The following DPP6 variants were observed in gnomAD, a reference collection of about 807,000 sequenced individuals.
DPP6 encodes dipeptidyl peptidase like 6.
DPP6 carries 69 observed loss-of-function variants against 122.6 expected under a neutral mutation model. The observed-to-expected ratio is 0.56, with a 90% CI of 0.46 to 0.69. The LOEUF (loss-of-function observed/expected upper bound fraction) is 0.69. Ranked by LOEUF, DPP6 falls within the 30% of genes least tolerant of loss-of-function variation. DPP6 has a pLI of 0.00. For missense variants in DPP6, 928 were observed against 1,116.9 expected (o/e 0.83, Z 2.41); for synonymous variants, 418 against 433.1 (o/e 0.97, Z 0.43).
intron 8 of DPP6, among the ~76,000 whole-genome samples, chr7:154,747,596 A>G (rs988770034): frequency 2.0e-5 from 3 of 152,162 alleles, no homozygotes; most frequent in Admixed American, 6.5e-5. Flanking sequence ...CTTACTAGGC[A>G]CTCGCGAAGT....
intron 1 of DPP6, among the ~76,000 whole-genome samples, chr7:154,194,545 T>C (rs529616465): frequency 8.7e-4 from 132 of 152,320 alleles, no homozygotes; most frequent in African/African-American, 3.0e-3. Flanking sequence ...CTCACCTCGC[T>C]CCTCCCAGGC....
intron 1 of DPP6, among the ~76,000 whole-genome samples, chr7:154,160,145 A>AC (rs1442088079): frequency 6.6e-6 from 1 of 151,534 alleles, no homozygotes; most frequent in African/African-American, 2.4e-5. Flanking sequence ...AATACATCAG[A>AC]CATAGAGCGG....
At chr7:154,353,369 G>C (rs771845990) in intron 1 of DPP6, among the ~76,000 whole-genome samples, 1 of 152,142 alleles carries the variant, frequency 6.6e-6, no homozygotes, top group Non-Finnish European at 1.5e-5. Flanking sequence ...GCAAGCAGAC[G>C]TGCCCAGTAT....
chr7:154,122,136 A>T (rs890588063), intron 1 of DPP6, among the ~76,000 whole-genome samples: 3 of 152,230 alleles, frequency 2.0e-5, no homozygotes, highest in Non-Finnish European at 4.4e-5. Context: ...CTCCAGACCT[A>T]TGTGAAAGTT....
At chr7:154,714,381 GT>G (rs1206241366) in intron 7 of DPP6, among the ~76,000 whole-genome samples, 1 of 152,128 alleles carries the variant, frequency 6.6e-6, no homozygotes, top group Non-Finnish European at 1.5e-5. Context: ...TATTGTATTA[GT>G]CTGTTCTCAC....
At chr7:154,542,907 A>G (rs1036687379) in intron 4 of DPP6, among the ~76,000 whole-genome samples, 4 of 152,162 alleles carry the variant, frequency 2.6e-5, no homozygotes, top group African/African-American at 9.7e-5. Flanking sequence ...TCTATCTCCA[A>G]ATTAAAGCTG....
At chr7:154,088,590 CTT>C (rs1804601074) in intron 1 of DPP6, among the ~76,000 whole-genome samples, 1 of 148,220 alleles carries the variant, frequency 6.7e-6, no homozygotes, top group Admixed American at 6.8e-5. Context: ...AGGTATGGGA[CTT>C]GATAGCAGCA....
chr7:154,530,791 C>T (rs1046845903), intron 3 of DPP6, among the ~76,000 whole-genome samples: 3 of 152,138 alleles, frequency 2.0e-5, no homozygotes, highest in Non-Finnish European at 2.9e-5. Flanking sequence ...TACATATACA[C>T]TATGGAATAC....
At chr7:154,311,640 G>A (rs2150999017) in intron 1 of DPP6, among the ~76,000 whole-genome samples, 1 of 152,278 alleles carries the variant, frequency 6.6e-6, no homozygotes, top group Non-Finnish European at 1.5e-5. Flanking sequence ...GTGGGGAGTG[G>A]AGAGGTCTCA....
At chr7:153,975,263 T>G (rs1796237506) in intron 1 of DPP6, among the ~76,000 whole-genome samples, 1 of 151,546 alleles carries the variant, frequency 6.6e-6, no homozygotes, top group African/African-American at 2.4e-5. Context: ...ATTATTTCAC[T>G]TATGAAAGGA....
At chr7:154,623,689 A>G (rs1012540607) in intron 5 of DPP6, among the ~76,000 whole-genome samples, 5 of 152,120 alleles carry the variant, frequency 3.3e-5, no homozygotes, top group African/African-American at 9.7e-5. Flanking sequence ...ACATGCACAC[A>G]CAGAGTCATT....
chr7:154,889,803 C>T (rs1458720158), intron 25 of DPP6: 11 of 479,354 alleles, frequency 2.3e-5, no homozygotes, highest in East Asian at 4.2e-5. Context: ...TCCCCTCCTC[C>T]GGGCAGTGAG....
At chr7:154,175,287 G>A (rs1052482690) in intron 1 of DPP6, among the ~76,000 whole-genome samples, 6 of 152,042 alleles carry the variant, frequency 3.9e-5, no homozygotes, top group South Asian at 2.1e-4. Context: ...ATTAAGGTTG[G>A]AAATCGTCTT....
chr7:154,052,574 C>G lies in DPP6; in HGVS notation c.-247C>G. On this transcript the variant is annotated 5_prime_UTR_variant, in exon 1 of 26. Coordinates refer to ENST00000377770, the MANE Select transcript of DPP6 (RefSeq NM_130797.4). This position sits in a 1 kb window ranked among gnomAD's most constrained non-coding sequence, Gnocchi z 4.8. ...GAAAGAGAGAAAGCACAGCCAGAGCCCCGGCTTCGCGAGCCGCCGGGGAGG... is the reference window on the plus strand; with the variant it reads ...GAAAGAGAGAAAGCACAGCCAGAGCGCCGGCTTCGCGAGCCGCCGGGGAGG... The G allele has an allele frequency of 8.5e-7, 1 of 1,182,240 alleles. No individual in the cohort carries two copies. Among genetic ancestry groups the G allele is most frequent in the Non-Finnish European group, 1.1e-6 (1 of 941,942 alleles). 73.2% of individuals were successfully genotyped at this position (1,182,240 alleles called of 1,614,324 possible).
intron 1 of DPP6, among the ~76,000 whole-genome samples, chr7:154,340,759 G>T (rs1322220009): frequency 6.6e-6 from 1 of 152,098 alleles, no homozygotes; most frequent in Non-Finnish European, 1.5e-5. Flanking sequence ...AATTAATACA[G>T]CCACCACCTT....
chr7:153,770,394 AAAG>A, the DPP6 span, among the ~76,000 whole-genome samples: 2 of 152,214 alleles, frequency 1.3e-5, no homozygotes, highest in Non-Finnish European at 2.9e-5. Context: ...AACAAAGAAC[AAAG>A]AAGAATATCC....
intron 5 of DPP6, among the ~76,000 whole-genome samples, chr7:154,614,042 G>A (rs1044610149): frequency 1.3e-5 from 2 of 152,154 alleles, no homozygotes; most frequent in African/African-American, 2.4e-5. Context: ...GCGGCAGCAC[G>A]GCCAGCCTCT....
intron 1 of DPP6, among the ~76,000 whole-genome samples, chr7:154,015,775 C>T (rs941768700): frequency 4.0e-4 from 61 of 152,168 alleles, no homozygotes; most frequent in African/African-American, 1.4e-3. Flanking sequence ...TTGTCTCTCA[C>T]TGGAATCTCT....
At chr7:154,348,824 C>T (rs1188290527) in intron 1 of DPP6, among the ~76,000 whole-genome samples, 1 of 152,206 alleles carries the variant, frequency 6.6e-6, no homozygotes, top group Non-Finnish European at 1.5e-5. Context: ...CACAGACATT[C>T]ACCCTCTTCT....
Sources: allele counts gnomAD v4.1 joint callset (sites outside exome capture counted in the v4.1 genomes callset), GRCh38; gene constraint gnomAD v4.1.1; non-coding constraint Gnocchi (gnomAD v3.1); transcripts MANE v1.5; gene names NCBI Gene and HGNC (gene_info 2026-07-23, HGNC 2026-07-21).